Variants in HTR2C observed in about 807,000 individuals in gnomAD.
HTR2C encodes the protein 5-hydroxytryptamine receptor 2C, also known as 5-hydroxytryptamine (serotonin) receptor 2C, G protein-coupled.
HTR2C carries 5 observed loss-of-function variants against 21.0 expected under a neutral mutation model. That is an observed-to-expected ratio of 0.24 (90% CI 0.12 to 0.50). HTR2C has a LOEUF of 0.50. Among genes scored for constraint, HTR2C ranks in the 20% least tolerant of loss-of-function variants. The pLI is 0.98. For synonymous variants in HTR2C, 150 were observed against 145.3 expected, an observed-to-expected ratio of 1.03 and a Z score of -0.23; for missense variants, 271 against 371.2, an observed-to-expected ratio of 0.73 and a Z score of 2.22.
At chrX:114,743,197 C>T (rs782431973) in intron 4 of HTR2C, among the ~76,000 whole-genome samples, 62 of 91,890 alleles carry the variant, frequency 6.7e-4, no homozygotes, top group South Asian at 1.3e-3. Flanking sequence ...CATACGTGTG[C>T]ATGTGTCTTT....
At chrX:114,714,164 A>G (rs782183658) in intron 2 of HTR2C, among the ~76,000 whole-genome samples, 8 of 111,798 alleles carry the variant, frequency 7.2e-5, no homozygotes, top group Non-Finnish European at 1.3e-4. Context: ...TGGGACAGGA[A>G]ACACTATTTT....
At chrX:114,594,694 A>C (rs1320554831) in intron 1 of HTR2C, among the ~76,000 whole-genome samples, 2 of 111,751 alleles carry the variant, frequency 1.8e-5, no homozygotes, top group East Asian at 5.6e-4. Flanking sequence ...GACAACTCCA[A>C]ATTTCTTGAT....
Position 114,816,654 on chromosome X carries a change from C to G in HTR2C, c.350-31349C>G, listed in dbSNP as rs189399750. On this transcript the variant is annotated intron_variant, in intron 4 of 5. Coordinates refer to ENST00000276198, the MANE Select transcript of HTR2C (RefSeq NM_000868.4). ...ATGAAAATAGGAAGGCCATCCCTTA[C>G]TATATTACAAAGTAACAACCAGTAT... 3.9e-3 allele frequency among the ~76,000 whole-genome samples: 425 copies of G among 110,129 alleles called. 4 individuals carry two copies. The highest frequency in any genetic ancestry group is 0.013 in the African/African-American group (410 of 30,387).
chrX:114,846,298 A>G (rs1197762362), intron 4 of HTR2C, among the ~76,000 whole-genome samples: 1 of 112,146 alleles, frequency 8.9e-6, no homozygotes, highest in Non-Finnish European at 1.9e-5. Flanking sequence ...TAGAAGATGA[A>G]GAAACATTTT....
chrX:114,858,984 G>T (rs1316413220), intron 5 of HTR2C, among the ~76,000 whole-genome samples: 5 of 109,606 alleles, frequency 4.6e-5, no homozygotes, highest in Non-Finnish European at 9.5e-5. Flanking sequence ...ATACATTTTT[G>T]AATTATATCT....
Position 114,731,757 on chromosome X carries a change from T to C in HTR2C, c.349+150T>C, listed in dbSNP as rs187144219. ...CAGAAGGAGTTGGATGTATGTATCA[T>C]ATTTATTAAACAAATCAGTAACAGT... On this transcript the variant is annotated intron_variant, in intron 4 of 5. Coordinates refer to ENST00000276198, the MANE Select transcript of HTR2C (RefSeq NM_000868.4). The C allele has an allele frequency of 5.1e-5, 22 of 434,163 alleles. No individual in the cohort carries two copies. In the East Asian group the frequency reaches 8.1e-4, roughly 16 times the overall value. 35.8% of individuals were successfully genotyped at this position (434,163 alleles called of 1,213,427 possible). A position where few individuals can be genotyped will look rare whatever the true frequency, so the allele number is the denominator to read the frequency against.
At chrX:114,692,146 G>A (rs1556415196) in intron 2 of HTR2C, among the ~76,000 whole-genome samples, 1 of 111,568 alleles carries the variant, frequency 9.0e-6, no homozygotes, top group East Asian at 2.8e-4. Flanking sequence ...AAAATGTGAT[G>A]TTTCAGGTTA....
At chrX:114,800,479 C>T (rs373878620) in intron 4 of HTR2C, among the ~76,000 whole-genome samples, 9 of 111,068 alleles carry the variant, frequency 8.1e-5, no homozygotes, top group East Asian at 2.8e-4. Context: ...ATTTATGCCC[C>T]GGAAGTAACT....
chrX:114,626,484 A>G (rs1304432111), intron 2 of HTR2C, among the ~76,000 whole-genome samples: 3 of 111,931 alleles, frequency 2.7e-5, no homozygotes, highest in African/African-American at 9.7e-5. Context: ...TATACCTGTA[A>G]CAAACATCCC....
intron 2 of HTR2C, among the ~76,000 whole-genome samples, chrX:114,648,404 C>T (rs1194992101): frequency 3.6e-5 from 4 of 111,407 alleles, no homozygotes; most frequent in African/African-American, 6.5e-5. Context: ...TGTACTACTA[C>T]GGTCTTCTAG....
intron 1 of HTR2C, among the ~76,000 whole-genome samples, chrX:114,610,738 G>A (rs1928690189): frequency 9.0e-6 from 1 of 111,445 alleles, no homozygotes; most frequent in Non-Finnish European, 1.9e-5. Context: ...ACTTTGGTAG[G>A]ATGGAGAGAA....
At chrX:114,749,214 G>A (rs781864381) in intron 4 of HTR2C, among the ~76,000 whole-genome samples, 83 of 109,343 alleles carry the variant, frequency 7.6e-4, no homozygotes, top group African/African-American at 2.5e-3. Flanking sequence ...CTTGGAATGC[G>A]GAGGCAGGAG....
At chrX:114,883,736 G>A (rs952590118) in intron 5 of HTR2C, among the ~76,000 whole-genome samples, 1 of 109,380 alleles carries the variant, frequency 9.1e-6, no homozygotes, top group African/African-American at 3.3e-5. Flanking sequence ...TTACTAAATC[G>A]AGCTAATGGA....
chrX:114,716,316 G>A (rs1932995601), intron 2 of HTR2C, among the ~76,000 whole-genome samples: 1 of 112,466 alleles, frequency 8.9e-6, no homozygotes, highest in African/African-American at 3.2e-5. Context: ...AATAGGTCTA[G>A]CTGTGAAAAA....
intron 2 of HTR2C, among the ~76,000 whole-genome samples, chrX:114,657,269 G>A (rs1430760863): frequency 1.8e-5 from 2 of 110,352 alleles, no homozygotes; most frequent in Non-Finnish European, 3.8e-5. Context: ...TTGTCTCCCA[G>A]CAAATATTTA....
At chrX:114,661,435 C>A (rs782818609) in intron 2 of HTR2C, among the ~76,000 whole-genome samples, 1 of 110,132 alleles carries the variant, frequency 9.1e-6, no homozygotes, top group Non-Finnish European at 1.9e-5. Flanking sequence ...TCCAATAAAC[C>A]ATTCCAAAAA....
chrX:114,634,273 C>A (rs1216024117), intron 2 of HTR2C, among the ~76,000 whole-genome samples: 1 of 110,141 alleles, frequency 9.1e-6, no homozygotes, highest in African/African-American at 3.3e-5. Flanking sequence ...AGAAACAAGG[C>A]TAATTTTTTT....
At chrX:114,738,142 T>C (rs782782881) in intron 4 of HTR2C, among the ~76,000 whole-genome samples, 1 of 111,236 alleles carries the variant, frequency 9.0e-6, no homozygotes, top group South Asian at 3.8e-4. Flanking sequence ...GGAAGGGAGA[T>C]AGGAATTGTT....
At chrX:114,723,695 C>T (rs1933320767) in intron 2 of HTR2C, among the ~76,000 whole-genome samples, 1 of 110,689 alleles carries the variant, frequency 9.0e-6, no homozygotes, top group Non-Finnish European at 1.9e-5. Context: ...GAATGCGTCC[C>T]AGAGATTCTG....
Sources: allele counts gnomAD v4.1 joint callset (sites outside exome capture counted in the v4.1 genomes callset), GRCh38; gene constraint gnomAD v4.1.1; transcripts MANE v1.5; gene names NCBI Gene and HGNC (gene_info 2026-07-23, HGNC 2026-07-21).